NSMCE2: variants seen among roughly 807,000 people sequenced by gnomAD.
The protein encoded by NSMCE2 is E3 SUMO-protein ligase NSE2.
In NSMCE2, 24 loss-of-function variants were observed where a neutral mutation model predicts 23.8. That is an observed-to-expected ratio of 1.01 (90% CI 0.73 to 1.42). The LOEUF is 1.42. Ranked by LOEUF, NSMCE2 falls within the 40% of genes most tolerant of loss-of-function variation. The pLI, the probability that NSMCE2 is intolerant of heterozygous loss-of-function variation, is 0.00. For missense variants in NSMCE2, 284 were observed against 296.5 expected (o/e 0.96, Z 0.31); for synonymous variants, 92 against 94.1 (o/e 0.98, Z 0.13).
chr8:125,358,298 A>G (rs1813374918), intron 7 of NSMCE2, among the ~76,000 whole-genome samples: 1 of 151,898 alleles, frequency 6.6e-6, no homozygotes, highest in Non-Finnish European at 1.5e-5. Context: ...GTGCCACTGC[A>G]TTCCAACCTG....
At chr8:125,245,538 A>G (rs1158420025) in intron 5 of NSMCE2, among the ~76,000 whole-genome samples, 1 of 152,158 alleles carries the variant, frequency 6.6e-6, no homozygotes, top group African/African-American at 2.4e-5. Flanking sequence ...TTAGAGGAAA[A>G]TTGTTGCCTT....
chr8:125,179,490 T>C (rs987522536), intron 4 of NSMCE2, among the ~76,000 whole-genome samples: 5 of 151,802 alleles, frequency 3.3e-5, no homozygotes, highest in African/African-American at 9.7e-5. Context: ...AAAAAATAGT[T>C]AGTGCCCATT....
chr8:125,133,569 A>G (rs1459982415), intron 3 of NSMCE2, among the ~76,000 whole-genome samples: 22 of 152,060 alleles, frequency 1.4e-4, no homozygotes, highest in African/African-American at 2.4e-5. Context: ...GTGAAACCCC[A>G]TCTCTACTAA....
At chr8:125,343,433 G>A (rs1174331857) in intron 5 of NSMCE2, among the ~76,000 whole-genome samples, 1 of 152,050 alleles carries the variant, frequency 6.6e-6, no homozygotes, top group Non-Finnish European at 1.5e-5. Flanking sequence ...TGTTTGTCTA[G>A]GTCTCTGAAA....
At chr8:125,252,789 G>A (rs1017889772) in intron 5 of NSMCE2, among the ~76,000 whole-genome samples, 7 of 152,214 alleles carry the variant, frequency 4.6e-5, no homozygotes, top group Non-Finnish European at 7.3e-5. Context: ...GTCTATTTAA[G>A]CAGTGCATAG....
chr8:125,357,885 C>T (rs545404010), intron 7 of NSMCE2, 67 bp downstream of exon 7: 15 of 1,097,822 alleles, frequency 1.4e-5, no homozygotes, highest in Admixed American at 1.8e-5. Context: ...GGCGTGTTCA[C>T]GCTAGAGGAA....
At chr8:125,185,108 C>T (rs1343502052) in intron 5 of NSMCE2, among the ~76,000 whole-genome samples, 1 of 152,080 alleles carries the variant, frequency 6.6e-6, no homozygotes, top group Non-Finnish European at 1.5e-5. Context: ...AGGATCTAAT[C>T]AGAGAAATGC....
chr8:125,298,413 A>G (rs1828412523), intron 5 of NSMCE2, among the ~76,000 whole-genome samples: 1 of 152,218 alleles, frequency 6.6e-6, no homozygotes, highest in Admixed American at 6.5e-5. Flanking sequence ...CAGTTAAGAC[A>G]CTTGCCCAAA....
chr8:125,264,209 G>A (rs1826818535), intron 5 of NSMCE2, among the ~76,000 whole-genome samples: 1 of 152,326 alleles, frequency 6.6e-6, no homozygotes, highest in African/African-American at 2.4e-5. Flanking sequence ...ACTGTCATGA[G>A]TGTGAATTTC....
intron 5 of NSMCE2, among the ~76,000 whole-genome samples, chr8:125,331,426 C>T (rs1829871536): frequency 1.3e-5 from 2 of 152,286 alleles, no homozygotes; most frequent in South Asian, 2.1e-4. Context: ...GGCCCTCCCT[C>T]ATAGGGTGCT....
intron 1 of NSMCE2, among the ~76,000 whole-genome samples, chr8:125,092,258 C>T (rs1817698339): frequency 6.6e-6 from 1 of 152,150 alleles, no homozygotes; most frequent in Non-Finnish European, 1.5e-5. Flanking sequence ...CTCTGGACCT[C>T]AATTTCCTCT....
At chr8:125,310,842 T>C (rs1828949365) in intron 5 of NSMCE2, among the ~76,000 whole-genome samples, 1 of 152,204 alleles carries the variant, frequency 6.6e-6, no homozygotes, top group African/African-American at 2.4e-5. Context: ...ATGTAACGAT[T>C]AATGAGATAT....
At chr8:125,252,427 G>A (rs537752177) in intron 5 of NSMCE2, among the ~76,000 whole-genome samples, 3 of 152,070 alleles carry the variant, frequency 2.0e-5, no homozygotes, top group South Asian at 2.1e-4. Flanking sequence ...CTCGGGAGGC[G>A]AGACAGGAGA....
chr8:125,200,452 T>G (rs966310574), intron 5 of NSMCE2, among the ~76,000 whole-genome samples: 1 of 152,218 alleles, frequency 6.6e-6, no homozygotes, highest in Non-Finnish European at 1.5e-5. Flanking sequence ...TGGCTGGATA[T>G]GAGATTCTGG....
intron 3 of NSMCE2, among the ~76,000 whole-genome samples, chr8:125,148,213 T>A (rs1392484025): frequency 6.6e-6 from 1 of 152,204 alleles, no homozygotes; most frequent in African/African-American, 2.4e-5. Context: ...GTAAGCCAGT[T>A]AGGCTCCAGA....
chr8:125,267,010 T>TC (rs1826947180), intron 5 of NSMCE2, among the ~76,000 whole-genome samples: 1 of 142,372 alleles, frequency 7.0e-6, no homozygotes. Flanking sequence ...TTTCTTTTTT[T>TC]TTTTTTTTTT....
chr8:125,104,751 G>T (rs1377810194), intron 3 of NSMCE2, among the ~76,000 whole-genome samples: 6 of 152,246 alleles, frequency 3.9e-5, no homozygotes, highest in Admixed American at 2.6e-4. Flanking sequence ...AGACTGCTGT[G>T]CTAGGCCGAG....
chr8:125,188,666 A>G (rs896669090), intron 5 of NSMCE2, among the ~76,000 whole-genome samples: 3 of 152,208 alleles, frequency 2.0e-5, no homozygotes, highest in African/African-American at 7.2e-5. Flanking sequence ...AGGCACTTTA[A>G]TGAGAGACGG....
At chr8:125,346,483 C>G (rs1358484467) in intron 5 of NSMCE2, among the ~76,000 whole-genome samples, 3 of 152,186 alleles carry the variant, frequency 2.0e-5, no homozygotes, top group Admixed American at 6.5e-5. Context: ...TCTTTGCTTT[C>G]TTCAGACTTT....
Sources: gnomAD v4.1 joint callset for allele counts (sites outside exome capture counted in the v4.1 genomes callset) on GRCh38, gnomAD v4.1.1 for gene constraint, MANE v1.5 for transcripts, NCBI Gene and HGNC (gene_info 2026-07-23, HGNC 2026-07-21) for gene names.